The following RIMS1 variants were observed in gnomAD, a reference collection of about 807,000 sequenced individuals.
The protein encoded by RIMS1 is regulating synaptic membrane exocytosis 1.
Under a neutral mutation model 214.1 loss-of-function variants are expected in RIMS1, and 83 were observed. The observed-to-expected ratio is 0.39, with a 90% CI of 0.32 to 0.47. RIMS1 has a LOEUF of 0.47. RIMS1 is among the 20% of genes least tolerant of loss of function. The pLI is 0.99. For synonymous variants in RIMS1, 793 were observed against 786.8 expected (o/e 1.01, Z -0.13); for missense variants, 2,050 against 2,161.8 (o/e 0.95, Z 1.03).
intron 6 of RIMS1, chr6:72,213,273 A>C: frequency 6.9e-7 from 1 of 1,458,626 alleles, no homozygotes; most frequent in South Asian, 1.3e-5. Flanking sequence ...AGTTGTACCT[A>C]AATCTATATT....
chr6:72,341,013 G>A (rs926128336), intron 29 of RIMS1, among the ~76,000 whole-genome samples: 1 of 151,938 alleles, frequency 6.6e-6, no homozygotes, highest in African/African-American at 2.4e-5. Flanking sequence ...CTTGTAAGTT[G>A]GATTCCTAGG....
At chr6:72,057,729 G>A (rs946858780) in intron 2 of RIMS1, among the ~76,000 whole-genome samples, 1 of 151,962 alleles carries the variant, frequency 6.6e-6, no homozygotes, top group South Asian at 2.1e-4. Flanking sequence ...GGATGGTCCC[G>A]ATCTCCTGAC....
rs765767872 is a variant in RIMS1, at chr6:72,251,350, T to G, written c.2680T>G (p.Ser894Ala). The G allele has an allele frequency of 4.3e-5, 69 of 1,594,878 alleles. No homozygotes were observed. The highest frequency in any genetic ancestry group is 1.7e-4 in the Middle Eastern group (1 of 6,038). Residue 894 changes from serine (S) to alanine (A), a missense_variant, in exon 15 of 34, where the codon TCT (serine) becomes GCT (alanine). Physicochemically the swap from Ser to Ala is moderately conservative, Grantham distance 99 (BLOSUM62 1). This residue lies in a region of RIMS1 where 889 missense variants were observed against 885.5 expected (regional missense o/e 1.00). Coordinates refer to ENST00000521978, the MANE Select transcript of RIMS1 (RefSeq NM_014989.7). Reference protein sequence around the residue: ...MPRRHIHGESSSKKLQRSQRI... With the variant: ...MPRRHIHGESASKKLQRSQRI... ...AAGGCGACATATTCATGGAGAAAGC[T>G]CTAGCAAAAAGCTACAAAGTAGGTT...
intron 33 of RIMS1, among the ~76,000 whole-genome samples, chr6:72,399,657 C>T (rs1343232396): frequency 1.2e-5 from 1 of 84,944 alleles, no homozygotes; most frequent in Non-Finnish European, 2.7e-5. Context: ...CAATAAGTAT[C>T]ATTATCCCCA....
At chr6:72,005,757 G>C (rs1484176395) in intron 2 of RIMS1, among the ~76,000 whole-genome samples, 1 of 152,160 alleles carries the variant, frequency 6.6e-6, no homozygotes, top group African/African-American at 2.4e-5. Context: ...TCATACTAGA[G>C]ATAAAGTAAG....
chr6:72,245,671 G>T, intron 10 of RIMS1, 144 bp from the exon 11 acceptor site: 1 of 570,590 alleles, frequency 1.8e-6, no homozygotes, highest in East Asian at 2.8e-5. Flanking sequence ...ATGCACATTA[G>T]TAGTTGCCTT....
At chr6:72,246,121 A>C (rs79306230) in intron 11 of RIMS1, among the ~76,000 whole-genome samples, 2,902 of 152,188 alleles carry the variant, frequency 0.019, 120 homozygotes, top group African/African-American at 0.067. Flanking sequence ...AACAGTCAGG[A>C]CCCTTACAGA....
chr6:72,112,672 A>G (rs2036335258), intron 4 of RIMS1, among the ~76,000 whole-genome samples: 1 of 152,124 alleles, frequency 6.6e-6, no homozygotes, highest in Non-Finnish European at 1.5e-5. Flanking sequence ...GTCTCTGCTC[A>G]AACATTACCT....
At chr6:71,962,013 G>T (rs1176630378) in intron 1 of RIMS1, among the ~76,000 whole-genome samples, 1 of 152,086 alleles carries the variant, frequency 6.6e-6, no homozygotes, top group Non-Finnish European at 1.5e-5. Context: ...TAAACTGATT[G>T]TGTTAACAGA....
rs557246923 is a variant in RIMS1, at chr6:72,204,580, G to A, written c.1678+21431G>A. ...TGATTTAAAACTAAAATCAAATTTC[G>A]CCTTCTCCTCAATCGTTCTCTTTGA... is the stretch of plus-strand genomic sequence containing the variant. On this transcript the variant is annotated intron_variant, in intron 6 of 33. Coordinates refer to ENST00000521978, the MANE Select transcript of RIMS1 (RefSeq NM_014989.7). Among the ~76,000 whole-genome samples the A allele has an allele frequency of 1.4e-4, 22 of 152,044 alleles. No individual in the cohort carries two copies. The South Asian group carries it at 4.4e-3, about 30-fold the overall frequency.
chr6:72,030,007 A>G (rs1245795551), intron 2 of RIMS1, among the ~76,000 whole-genome samples: 1 of 152,188 alleles, frequency 6.6e-6, no homozygotes, highest in Admixed American at 6.6e-5. Flanking sequence ...TCGAGAAGTC[A>G]CATGCAAGTA....
At chr6:72,194,633 T>C (rs1314487122) in intron 6 of RIMS1, among the ~76,000 whole-genome samples, 1 of 152,178 alleles carries the variant, frequency 6.6e-6, no homozygotes, top group Non-Finnish European at 1.5e-5. Context: ...ATAATATTCC[T>C]ATGTGTTTTG....
chr6:71,985,839 A>T (rs561586494), intron 2 of RIMS1, among the ~76,000 whole-genome samples: 1 of 151,824 alleles, frequency 6.6e-6, no homozygotes, highest in African/African-American at 2.4e-5. Flanking sequence ...ATATGTATGG[A>T]CACACACACA....
At chr6:71,897,644 T>C (rs1368288190) in intron 1 of RIMS1, among the ~76,000 whole-genome samples, 2 of 152,184 alleles carry the variant, frequency 1.3e-5, no homozygotes, top group African/African-American at 4.8e-5. Context: ...TTGGTATTCG[T>C]CTTAACCTCT....
At chr6:71,970,458 G>A (rs1026473098) in intron 2 of RIMS1, among the ~76,000 whole-genome samples, 9 of 152,076 alleles carry the variant, frequency 5.9e-5, no homozygotes, top group African/African-American at 9.6e-5. Flanking sequence ...TATATTCCAC[G>A]TATCGAGGTT....
At chr6:72,185,961 A>T (rs1408499264) in intron 6 of RIMS1, among the ~76,000 whole-genome samples, 1 of 152,232 alleles carries the variant, frequency 6.6e-6, no homozygotes. Context: ...CTTAATGACT[A>T]GTAAATATAT....
intron 28 of RIMS1, chr6:72,316,866 A>G (rs1437548560): frequency 2.0e-6 from 2 of 1,018,046 alleles, no homozygotes; most frequent in South Asian, 1.3e-5. Flanking sequence ...GGAGGTGGGC[A>G]GCTGCCCCCA....
intron 2 of RIMS1, among the ~76,000 whole-genome samples, chr6:72,083,509 G>A (rs774830591): frequency 2.3e-4 from 35 of 151,844 alleles, no homozygotes; most frequent in African/African-American, 8.0e-4. Context: ...TTTGCCCCTC[G>A]CTAGTGGTCT....
chr6:71,967,034 C>T (rs1345003689), intron 1 of RIMS1, among the ~76,000 whole-genome samples: 2 of 152,246 alleles, frequency 1.3e-5, no homozygotes, highest in African/African-American at 4.8e-5. Context: ...AGATTTAATT[C>T]TTTAGAATTT....
Sources: allele counts gnomAD v4.1 joint callset (sites outside exome capture counted in the v4.1 genomes callset), GRCh38; gene constraint gnomAD v4.1.1; regional missense constraint gnomAD v4.1.1; transcripts MANE v1.5; gene names NCBI Gene and HGNC (gene_info 2026-07-23, HGNC 2026-07-21).